Variants in GHRL observed in about 807,000 individuals in gnomAD.
The protein encoded by GHRL is ghrelin and obestatin prepropeptide, also known as appetite-regulating hormone.
GHRL carries 24 observed loss-of-function variants against 16.9 expected under a neutral mutation model. The observed-to-expected ratio is 1.42, with a 90% CI of 1.03 to 2.00. The LOEUF (loss-of-function observed/expected upper bound fraction) is 2.00, where lower values mean the gene tolerates loss of function less well. GHRL is among the 30% of genes most tolerant of loss of function. The pLI, the probability that GHRL is intolerant of heterozygous loss-of-function variation, is 0.00. For missense variants in GHRL, 193 were observed against 142.1 expected, an observed-to-expected ratio of 1.36 and a Z score of -1.82; for synonymous variants, 63 against 58.2, an observed-to-expected ratio of 1.08 and a Z score of -0.37.
chr3:10,292,408 G>T, intron 1 of GHRL: 1 of 177,120 alleles, frequency 5.6e-6, no homozygotes, highest in South Asian at 1.2e-4. Flanking sequence ...GTTGATTGCC[G>T]AATGACCACC....
In GHRL at chr3:10,291,415, T is replaced by C. The variant is rs1699996867; in HGVS notation, c.-729A>G. 6.1e-6 allele frequency: 6 copies of C among 985,552 alleles called. No individual in the cohort carries two copies. Among genetic ancestry groups the C allele is most frequent in the Non-Finnish European group, 7.2e-6 (6 of 830,008 alleles). The allele number at this position is 985,552 out of a possible 1,614,324, so 61.1% of individuals were successfully genotyped here. ...CCTCCAGCAGCTTTGGTCCCTATTT[T>C]AGCGGATGCCTCTTCTGAGAGGGAA... is the stretch of plus-strand genomic sequence containing the variant. On this transcript the variant is annotated 5_prime_UTR_variant, in exon 2 of 6. It removes the in-frame stop codon of an upstream open reading frame in the 5' UTR. Transcript: ENST00000335542.
intron 4 of GHRL, among the ~76,000 whole-genome samples, chr3:10,289,042 A>G (rs1223428152): frequency 6.6e-6 from 1 of 152,162 alleles, no homozygotes; most frequent in Non-Finnish European, 1.5e-5. Context: ...CACAGCGTCT[A>G]ATAGCTGCCA....
At chr3:10,288,799 T>C (rs1699480037) in intron 4 of GHRL, among the ~76,000 whole-genome samples, 1 of 152,222 alleles carries the variant, frequency 6.6e-6, no homozygotes, top group Non-Finnish European at 1.5e-5. Context: ...CCTGGGCCAC[T>C]GTGCGCTGTC....
At chr3:10,292,662 A>AC in intron 1 of GHRL, 180 bp downstream of exon 1, 1 of 568,790 alleles carries the variant, frequency 1.8e-6, no homozygotes, top group Admixed American at 3.6e-5. Context: ...GAGTGTAGAC[A>AC]TCTTTTGGCC....
Position 10,285,713 on chromosome 3 carries a change from TCCTC to T in GHRL, c.*158_*161del. ...TTTTTTAAAGTAAAATATTAACTTT[TCCTC>T]TTTGAAATAAATTCCCATTTGGAAC... On this transcript the variant is annotated 3_prime_UTR_variant, in exon 6 of 6. Transcript: ENST00000335542. 1.7e-6 allele frequency: 1 copy of T among 604,970 alleles called. No individual in the cohort carries two copies. Among genetic ancestry groups the T allele is most frequent in the Non-Finnish European group, 3.0e-6 (1 of 330,280 alleles). The allele number at this position is 604,970 out of a possible 1,614,324, so 37.5% of individuals were successfully genotyped here. A position where few individuals can be genotyped will look rare whatever the true frequency, so the allele number is the denominator to read the frequency against.
At chr3:10,290,042 C>A (rs1481116793) in intron 3 of GHRL, 31 bp downstream of exon 3, 2 of 1,608,680 alleles carry the variant, frequency 1.2e-6, no homozygotes, top group Non-Finnish European at 1.7e-6. Context: ...AGGGCTGGAA[C>A]AACATGTGGG....
chr3:10,292,872 T>C lies in GHRL; in HGVS notation c.-796A>G. 4 of 1,549,406 alleles carry C rather than the reference T, an allele frequency of 2.6e-6. No homozygotes were observed. Among genetic ancestry groups the C allele is most frequent in the Non-Finnish European group, 3.5e-6 (4 of 1,145,572 alleles). On this transcript the variant is annotated 5_prime_UTR_variant, in exon 1 of 6. Coordinates refer to ENST00000335542, the MANE Select transcript of GHRL (RefSeq NM_016362.5). ...CCCTGGAGGCCTCTCCGGGCACAGC[T>C]GCCAATGTTGATCTTAGATAAGACC...
Position 10,290,906 on chromosome 3 carries a change from G to A in GHRL, c.-220C>T, listed in dbSNP as rs369606422. On this transcript the variant is annotated 5_prime_UTR_variant, in exon 2 of 6. Transcript: ENST00000335542. ...CAACAGTGGAGGTCAGATGCCCTGC[G>A]GAATTGCTGGGTTGGCGAGGGAAGA... The A allele has an allele frequency of 1.8e-4, 177 of 985,498 alleles. No homozygotes were observed. Among genetic ancestry groups the A allele is most frequent in the Admixed American group, 3.1e-4 (5 of 16,290 alleles). 61.0% of individuals were successfully genotyped at this position (985,498 alleles called of 1,614,324 possible). A position where few individuals can be genotyped will look rare whatever the true frequency, so the allele number is the denominator to read the frequency against.
chr3:10,291,244 C>G lies in GHRL; in HGVS notation c.-558G>C, dbSNP rs763825440. On this transcript the variant is annotated 5_prime_UTR_variant, in exon 2 of 6. Transcript: ENST00000335542. ...CTTCCCGAGGAGGAGTCCCACCTCC[C>G]GGTTGAGCAGACTGCTCCTGATCAT... 2.0e-6 allele frequency: 2 copies of G among 985,366 alleles called. No homozygotes were observed. The highest frequency in any genetic ancestry group is 3.5e-5 in the African/African-American group (2 of 57,250). 61.0% of individuals were successfully genotyped at this position (985,366 alleles called of 1,614,324 possible).
rs1699895180 is a variant in GHRL at position 10,290,798 on chromosome 3, C to G, written c.-112G>C. On this transcript the variant is annotated 5_prime_UTR_variant, in exon 2 of 6. Coordinates refer to ENST00000335542, the MANE Select transcript of GHRL (RefSeq NM_016362.5). The stretch of plus-strand genomic sequence containing the variant: ...TGGCGTTTGTTCTAAACCAGCAACC[C>G]CATCCCAGAGGTGGCCTAGCTTCCG... The G allele has an allele frequency of 1.1e-5, 11 of 988,464 alleles. No individual in the cohort carries two copies. Among genetic ancestry groups the G allele is most frequent in the Non-Finnish European group, 1.2e-5 (10 of 831,864 alleles). 61.2% of individuals were successfully genotyped at this position (988,464 alleles called of 1,614,324 possible).
At chr3:10,285,991 G>C in intron 5 of GHRL, 97 bp from the exon 6 acceptor site, 1 of 1,103,806 alleles carries the variant, frequency 9.1e-7, no homozygotes, top group Non-Finnish European at 1.4e-6. Flanking sequence ...GTAATGGTGG[G>C]GGTTGTGGGG....
chr3:10,286,928 T>C (rs912552386), intron 4 of GHRL, 116 bp from the exon 5 acceptor site: 1 of 651,924 alleles, frequency 1.5e-6, no homozygotes, highest in Non-Finnish European at 2.7e-6. Context: ...GAATGGCCTT[T>C]GGGCCCCAGC....
In GHRL at chr3:10,291,187, G is replaced by A; in HGVS notation, c.-501C>T. On this transcript the variant is annotated 5_prime_UTR_variant, in exon 2 of 6. Transcript: ENST00000335542. ...GCTCTGGCCTCTGTGAGCCCCGGGA[G>A]TCCGCAGGGAGCCAGGCTGGTGATT... 1.0e-6 allele frequency: 1 copy of A among 985,692 alleles called. No homozygotes were observed. Among genetic ancestry groups the A allele is most frequent in the Non-Finnish European group, 1.2e-6 (1 of 830,112 alleles). The allele number at this position is 985,692 out of a possible 1,614,324, so 61.1% of individuals were successfully genotyped here.
intron 4 of GHRL, 109 bp from the exon 5 acceptor site, chr3:10,286,921 TG>T: frequency 1.5e-6 from 1 of 675,808 alleles, no homozygotes; most frequent in East Asian, 2.8e-5. Flanking sequence ...AGAGGGAGAA[TG>T]GCCTTTGGGC....
Position 10,290,172 on chromosome 3 carries a change from G to A in GHRL, c.9C>T (p.Ser3=), listed in dbSNP as rs753640208. Residue 3 remains serine (S), a synonymous_variant, in exon 3 of 6, where the codon TCC becomes TCT. Coordinates refer to ENST00000335542, the MANE Select transcript of GHRL (RefSeq NM_016362.5). MP[S]PGTVCSLLLL... is the part of the protein sequence containing the mutation. ...GCAGGAGGCTGCAGACGGTCCCTGG[G>A]GAGGGCATGGCCTCAGCTGGGTTGC... is the stretch of plus-strand genomic sequence containing the variant. The A allele has an allele frequency of 6.8e-6, 11 of 1,611,250 alleles. No homozygotes were observed. Among genetic ancestry groups the A allele is most frequent in the Non-Finnish European group, 9.3e-6 (11 of 1,179,474 alleles).
Position 10,285,878 on chromosome 3 carries a change from C to G in GHRL, c.351G>C (p.Lys117Asn), listed in dbSNP as rs1165317556. 1 of 1,613,538 alleles carries G rather than the reference C, an allele frequency of 6.2e-7. No individual in the cohort carries two copies. The highest frequency in any genetic ancestry group is 1.3e-5 in the African/African-American group (1 of 75,022). ...GGTGAGTAAGGCTTGTGGGCGATCA[C>G]TTGTCGGCTGGGGCCTCTGGAAAGC... ...WEEAKEAPAD[K>N] is the part of the protein sequence containing the mutation. The change falls in exon 6 of 6, where the codon AAG becomes AAC. Residue 117 changes from lysine to asparagine, a missense_variant. Coordinates refer to ENST00000335542, the MANE Select transcript of GHRL (RefSeq NM_016362.5).
Position 10,286,718 on chromosome 3 carries a change from C to T in GHRL, c.320G>A (p.Trp107Ter). Residue 107 changes from tryptophan to a stop codon, truncating the protein, a stop_gained, in exon 5 of 6, where the codon TGG (tryptophan) becomes TAG (stop). Transcript: ENST00000335542. LOFTEE classifies it high-confidence loss of function. ...ALGKFLQDIL[W>*]EEAKEAPADK ...GCAGGACTCACCTTTGGCCTCTTCCCAGAGGATGTCCTGAAGAAACTTCCC... is the reference window on the plus strand; with the variant it reads ...GCAGGACTCACCTTTGGCCTCTTCCTAGAGGATGTCCTGAAGAAACTTCCC... The T allele has an allele frequency of 6.3e-7, 1 of 1,596,028 alleles. No homozygotes were observed. The highest frequency in any genetic ancestry group is 8.6e-7 in the Non-Finnish European group (1 of 1,163,466).
In GHRL at chr3:10,290,963, T is replaced by C; in HGVS notation, c.-277A>G. ...TGCTCCAGCTGTCCCTGGAACACGG[T>C]GGCGGGGTGCCCCAAGTGGGCATGG... On this transcript the variant is annotated 5_prime_UTR_variant, in exon 2 of 6. Coordinates refer to ENST00000335542, the MANE Select transcript of GHRL (RefSeq NM_016362.5). The C allele has an allele frequency of 1.0e-6, 1 of 985,812 alleles. No homozygotes were observed. Among genetic ancestry groups the C allele is most frequent in the Non-Finnish European group, 1.2e-6 (1 of 830,158 alleles). 61.1% of individuals were successfully genotyped at this position (985,812 alleles called of 1,614,324 possible).
At chr3:10,289,088 C>T (rs1699529191) in intron 4 of GHRL, among the ~76,000 whole-genome samples, 1 of 152,230 alleles carries the variant, frequency 6.6e-6, no homozygotes. Context: ...CCTGCCTTAG[C>T]TGCGAAATGG....
Sources: gnomAD v4.1 joint callset for allele counts (sites outside exome capture counted in the v4.1 genomes callset) on GRCh38, gnomAD v4.1.1 for gene constraint, MANE v1.5 for transcripts, NCBI Gene and HGNC (gene_info 2026-07-23, HGNC 2026-07-21) for gene names.